MEP1A: variants seen among roughly 807,000 people sequenced by gnomAD.
MEP1A encodes meprin A subunit alpha, also known as N-benzoyl-L-tyrosyl-P-amino-benzoic acid hydrolase subunit alpha.
A neutral mutation model predicts 84.5 loss-of-function variants in MEP1A; 68 were observed. The ratio of observed to expected loss-of-function variants is 0.80; its 90% CI spans 0.66 to 0.98. The LOEUF (loss-of-function observed/expected upper bound fraction) is 0.98. Ranked by LOEUF, MEP1A falls within the 50% of genes least tolerant of loss-of-function variation. MEP1A has a pLI of 0.00. For synonymous variants in MEP1A, 337 were observed against 336.8 expected, an observed-to-expected ratio of 1.00 and a Z score of -0.01; for missense variants, 887 against 919.9, an observed-to-expected ratio of 0.96 and a Z score of 0.46.
intron 5 of MEP1A, among the ~76,000 whole-genome samples, chr6:46,808,773 G>A (rs866741392): frequency 6.6e-6 from 1 of 151,956 alleles, no homozygotes; most frequent in Non-Finnish European, 1.5e-5. Context: ...TGCTGAGCTC[G>A]GGATACAGAA....
At chr6:46,795,270 G>A (rs1042672208) in intron 3 of MEP1A, among the ~76,000 whole-genome samples, 1 of 151,906 alleles carries the variant, frequency 6.6e-6, no homozygotes, top group Non-Finnish European at 1.5e-5. Flanking sequence ...AATGTTATTC[G>A]ATCTACTCGA....
At chr6:46,839,966 G>A (rs950895049), downstream of MEP1A, among the ~76,000 whole-genome samples, 1 of 151,586 alleles carries the variant, frequency 6.6e-6, no homozygotes, top group African/African-American at 2.4e-5. Flanking sequence ...TTTTAGATAT[G>A]CTTTCTTTCC....
chr6:46,806,936 C>A (rs1767339705), intron 5 of MEP1A, among the ~76,000 whole-genome samples: 1 of 151,904 alleles, frequency 6.6e-6, no homozygotes, highest in Non-Finnish European at 1.5e-5. Context: ...AAGAAAAAGT[C>A]CTCCAGTTTC....
chr6:46,809,423 T>G lies in MEP1A; in HGVS notation c.266T>G (p.Leu89Arg). ...IPYILADNLG[L>R]NAKGAILYAF... ...ATATTTTTACTGATTTCTGCAGGGC[T>G]GAATGCTAAAGGAGCCATTCTGTAT... The change falls in exon 6 of 14, where the codon CTG becomes CGG. Residue 89 changes from leucine to arginine, a missense_variant. By Grantham distance (102) the Leu-to-Arg change is moderately radical. Transcript: ENST00000230588. 1 of 1,597,192 alleles carries G rather than the reference T, an allele frequency of 6.3e-7. No individual in the cohort carries two copies. Among genetic ancestry groups the G allele is most frequent in the South Asian group, 1.1e-5 (1 of 88,994 alleles).
intron 7 of MEP1A, among the ~76,000 whole-genome samples, chr6:46,821,453 G>A (rs1767773981): frequency 6.6e-6 from 1 of 152,120 alleles, no homozygotes; most frequent in Non-Finnish European, 1.5e-5. Flanking sequence ...TCTCTCAGTA[G>A]TAATTGTGTT....
intron 5 of MEP1A, among the ~76,000 whole-genome samples, chr6:46,803,854 C>A (rs1038758154): frequency 1.3e-5 from 2 of 151,480 alleles, no homozygotes; most frequent in African/African-American, 4.8e-5. Flanking sequence ...ATATTTTCAT[C>A]CATGGATGGG....
At chr6:46,817,459 C>T (rs1767667259) in intron 6 of MEP1A, among the ~76,000 whole-genome samples, 1 of 152,160 alleles carries the variant, frequency 6.6e-6, no homozygotes, top group African/African-American at 2.4e-5. Flanking sequence ...CTTGCAAAGA[C>T]CACACATTTT....
At chr6:46,838,866 C>T (rs541779321) in intron 13 of MEP1A, 114 bp from the exon 14 acceptor site, 49 of 856,894 alleles carry the variant, frequency 5.7e-5, no homozygotes, top group African/African-American at 2.9e-4. Context: ...CCAGGCACCA[C>T]GTGGACCTGC....
At chr6:46,825,708 T>C (rs1767926012) in intron 8 of MEP1A, among the ~76,000 whole-genome samples, 1 of 152,154 alleles carries the variant, frequency 6.6e-6, no homozygotes, top group African/African-American at 2.4e-5. Flanking sequence ...AGTTGAGTAG[T>C]TAAAAACAAA....
At chr6:46,807,980 A>T (rs914746751) in intron 5 of MEP1A, among the ~76,000 whole-genome samples, 9 of 152,030 alleles carry the variant, frequency 5.9e-5, no homozygotes, top group African/African-American at 2.2e-4. Context: ...TTTTTACAAA[A>T]TTATTACAGA....
intron 10 of MEP1A, among the ~76,000 whole-genome samples, chr6:46,832,393 T>C (rs1768097876): frequency 6.6e-6 from 1 of 152,230 alleles, no homozygotes; most frequent in Non-Finnish European, 1.5e-5. Context: ...TTTCCTCAGC[T>C]CTTAATTCGA....
intron 5 of MEP1A, among the ~76,000 whole-genome samples, chr6:46,800,803 C>T (rs901516085): frequency 6.6e-6 from 1 of 152,072 alleles, no homozygotes. Context: ...CTAGGCAGTT[C>T]CCATCCCCAC....
chr6:46,807,435 A>G (rs947648149), intron 5 of MEP1A, among the ~76,000 whole-genome samples: 20 of 150,994 alleles, frequency 1.3e-4, no homozygotes, highest in African/African-American at 3.9e-4. Flanking sequence ...GCACTTTGGG[A>G]AGCCGAGGCA....
chr6:46,799,283 AG>A, intron 5 of MEP1A, 102 bp downstream of exon 5: 1 of 749,250 alleles, frequency 1.3e-6, no homozygotes, highest in Non-Finnish European at 2.3e-6. Context: ...ACGATCTAAG[AG>A]AGTTTTCAAG....
At chr6:46,802,626 G>A (rs1411818915) in intron 5 of MEP1A, among the ~76,000 whole-genome samples, 3 of 151,814 alleles carry the variant, frequency 2.0e-5, no homozygotes, top group South Asian at 4.1e-4. Flanking sequence ...GAAGTGGTAA[G>A]AGTGGACATC....
intron 6 of MEP1A, among the ~76,000 whole-genome samples, chr6:46,810,241 G>T (rs953712753): frequency 2.0e-5 from 3 of 151,980 alleles, no homozygotes; most frequent in Admixed American, 6.6e-5. Flanking sequence ...GTTTTCATAT[G>T]CCTGTTGGCC....
At chr6:46,821,164 TC>T (rs1399116405) in intron 7 of MEP1A, among the ~76,000 whole-genome samples, 2 of 152,160 alleles carry the variant, frequency 1.3e-5, no homozygotes, top group African/African-American at 4.8e-5. Context: ...AGAGGGCTAA[TC>T]AAAATCACCT....
intron 5 of MEP1A, among the ~76,000 whole-genome samples, chr6:46,801,083 C>T (rs1767189851): frequency 6.6e-6 from 1 of 152,014 alleles, no homozygotes; most frequent in South Asian, 2.1e-4. Context: ...ATGAAGAAAA[C>T]TGTTATGATA....
chr6:46,844,656 A>T (rs1338733267), downstream of MEP1A, among the ~76,000 whole-genome samples: 1 of 152,192 alleles, frequency 6.6e-6, no homozygotes, highest in African/African-American at 2.4e-5. Context: ...GAGGCAGAGG[A>T]GATGTTCAGA....
Sources: allele counts gnomAD v4.1 joint callset (sites outside exome capture counted in the v4.1 genomes callset), GRCh38; gene constraint gnomAD v4.1.1; transcripts MANE v1.5; gene names NCBI Gene and HGNC (gene_info 2026-07-23, HGNC 2026-07-21).